The following SATB2 variants were observed in gnomAD, a reference collection of about 807,000 sequenced individuals.
SATB2 encodes SATB homeobox 2.
A neutral mutation model predicts 73.4 loss-of-function variants in SATB2; 1 was observed. The ratio of observed to expected loss-of-function variants is 0.01; its 90% CI spans 0.00 to 0.06. The LOEUF is 0.06. Among genes scored for constraint, SATB2 ranks in the 10% least tolerant of loss-of-function variants. The pLI, the probability that SATB2 is intolerant of heterozygous loss-of-function variation, is 1.00. For missense variants in SATB2, 459 were observed against 945.8 expected (o/e 0.49, Z 6.75); for synonymous variants, 397 against 367.0 (o/e 1.08, Z -0.93).
At chr2:199,429,648 G>A (rs952149474) in intron 3 of SATB2, among the ~76,000 whole-genome samples, 2 of 152,176 alleles carry the variant, frequency 1.3e-5, no homozygotes, top group African/African-American at 4.8e-5. Flanking sequence ...GGAGGCTCAC[G>A]CCTGTAATCC....
chr2:199,402,115 G>A (rs760034981), intron 3 of SATB2, among the ~76,000 whole-genome samples: 13 of 152,192 alleles, frequency 8.5e-5, no homozygotes, highest in Non-Finnish European at 1.8e-4. Context: ...GGCTGGGCAC[G>A]GTGGCTCACA....
intron 3 of SATB2, among the ~76,000 whole-genome samples, chr2:199,406,853 T>A (rs145613951): frequency 6.6e-6 from 1 of 152,280 alleles, no homozygotes; most frequent in East Asian, 1.9e-4. Flanking sequence ...TGTGGAAATA[T>A]TCGTATGATC....
chr2:199,392,261 T>TC (rs1690166532), intron 3 of SATB2, among the ~76,000 whole-genome samples: 2 of 152,172 alleles, frequency 1.3e-5, no homozygotes, highest in African/African-American at 2.4e-5. Flanking sequence ...CTTTTTTTTT[T>TC]CCCTTCAATT....
At chr2:199,395,431 G>C (rs141782435) in intron 3 of SATB2, among the ~76,000 whole-genome samples, 28 of 152,180 alleles carry the variant, frequency 1.8e-4, no homozygotes, top group African/African-American at 6.5e-4. Context: ...TTAAATTTTT[G>C]TTAAGTTAAA....
chr2:199,331,830 C>A (rs1211999351), intron 7 of SATB2, among the ~76,000 whole-genome samples: 4 of 152,122 alleles, frequency 2.6e-5, no homozygotes, highest in Non-Finnish European at 2.9e-5. Context: ...ACCTAATTAT[C>A]AAGATAAGTA....
rs1691555607 is a variant in SATB2 at position 199,433,241 on chromosome 2, C to T, written c.346+97G>A. On this transcript the variant is annotated intron_variant, in intron 3 of 10. Transcript: ENST00000417098. The stretch of plus-strand genomic sequence containing the variant: ...GGAAATGCTAAATCTGACAATTCTC[C>T]TTCAACCTTTGTTTGGAGAACTATT... 4 of 1,255,280 alleles carry T rather than the reference C, an allele frequency of 3.2e-6. No individual in the cohort carries two copies. In the South Asian group the frequency reaches 5.9e-5, roughly 19 times the overall value. The allele number at this position is 1,255,280 out of a possible 1,614,324, so 77.8% of individuals were successfully genotyped here.
chr2:199,383,839 A>G (rs1689850211), intron 3 of SATB2, among the ~76,000 whole-genome samples: 1 of 152,248 alleles, frequency 6.6e-6, no homozygotes, highest in African/African-American at 2.4e-5. Context: ...ATATATCTGT[A>G]TGATTTCATT....
chr2:199,437,233 A>G (rs1021898518), intron 2 of SATB2, among the ~76,000 whole-genome samples: 3 of 152,186 alleles, frequency 2.0e-5, no homozygotes, highest in Non-Finnish European at 2.9e-5. Context: ...ACAGGAGGTA[A>G]GCAGGTACTT....
At chr2:199,467,525 A>G (rs1484827322), upstream of SATB2, 1 of 152,292 alleles carries the variant, frequency 6.6e-6, no homozygotes, top group Non-Finnish European at 1.5e-5. Flanking sequence ...GACTTCAGGC[A>G]TTCAATGAAA....
intron 7 of SATB2, among the ~76,000 whole-genome samples, chr2:199,338,933 AAAAG>A (rs1232474104): frequency 1.3e-5 from 2 of 150,026 alleles, no homozygotes; most frequent in East Asian, 3.9e-4. Context: ...AAAAAAAAAA[AAAAG>A]AAAGAAAGAA....
chr2:199,381,657 T>C (rs1339940597), intron 4 of SATB2, 37 bp downstream of exon 4: 1 of 1,613,312 alleles, frequency 6.2e-7, no homozygotes, highest in Non-Finnish European at 8.5e-7. Context: ...GGAGCAGCTC[T>C]GACAGTAAGG....
intron 3 of SATB2, among the ~76,000 whole-genome samples, chr2:199,420,581 G>A (rs185645004): frequency 6.6e-6 from 1 of 152,216 alleles, no homozygotes; most frequent in African/African-American, 2.4e-5. Context: ...ATTTACAGCA[G>A]GGTTGGGCCT....
At chr2:199,295,333 C>T (rs1179653519) in intron 10 of SATB2, among the ~76,000 whole-genome samples, 6 of 151,646 alleles carry the variant, frequency 4.0e-5, no homozygotes, top group African/African-American at 4.9e-5. Context: ...AAATAATACA[C>T]GGATGGCCAA....
At chr2:199,434,178 A>G (rs974696591) in intron 2 of SATB2, among the ~76,000 whole-genome samples, 2 of 152,158 alleles carry the variant, frequency 1.3e-5, no homozygotes, top group African/African-American at 4.8e-5. Flanking sequence ...GATCATAAAC[A>G]TCTTAATTTA....
intron 2 of SATB2, among the ~76,000 whole-genome samples, chr2:199,452,721 G>A (rs1395833206): frequency 2.6e-5 from 4 of 152,012 alleles, no homozygotes; most frequent in Admixed American, 2.6e-4. Context: ...GCTCTTGCTA[G>A]CTCTAAACTC....
intron 5 of SATB2, among the ~76,000 whole-genome samples, chr2:199,377,021 T>C (rs1424839959): frequency 2.0e-5 from 3 of 152,186 alleles, no homozygotes; most frequent in Admixed American, 6.5e-5. Flanking sequence ...ACCAATCTCA[T>C]GTGGAGAGAA....
At chr2:199,310,331 A>G (rs906586631) in intron 9 of SATB2, among the ~76,000 whole-genome samples, 3 of 152,150 alleles carry the variant, frequency 2.0e-5, no homozygotes, top group Non-Finnish European at 2.9e-5. Flanking sequence ...AGCTTGGGAG[A>G]GTTAGAAGGT....
At position 199,311,887 on chromosome 2, in the gene SATB2, T is replaced by C. The variant is rs1044549287; in HGVS notation, c.1543-2930A>G. Among the ~76,000 whole-genome samples, 90 of 152,216 alleles carry C rather than the reference T, an allele frequency of 5.9e-4. 2 individuals are homozygous for C. The highest frequency in any genetic ancestry group is 1.8e-4 in the Non-Finnish European group (12 of 68,042). On this transcript the variant is annotated intron_variant, in intron 9 of 10. Transcript: ENST00000417098. The stretch of plus-strand genomic sequence containing the variant: ...TCTTATTAGCTTGTTTGCTGGCTAA[T>C]GAATGTGTGAGAAAGTGCCACGCAG...
chr2:199,449,606 A>T (rs1692066846), intron 2 of SATB2, among the ~76,000 whole-genome samples: 1 of 152,178 alleles, frequency 6.6e-6, no homozygotes, highest in Admixed American at 6.5e-5. Context: ...CTTTTTTCAA[A>T]CTCTGTAAGT....
Sources: allele counts gnomAD v4.1 joint callset (sites outside exome capture counted in the v4.1 genomes callset), GRCh38; gene constraint gnomAD v4.1.1; transcripts MANE v1.5; gene names NCBI Gene and HGNC (gene_info 2026-07-23, HGNC 2026-07-21).